The following UPP2 variants were observed in gnomAD, a reference collection of about 807,000 sequenced individuals.
The protein encoded by UPP2 is UPase 2.
UPP2 carries 23 observed loss-of-function variants against 26.7 expected under a neutral mutation model. The observed-to-expected ratio is 0.86, with a 90% CI of 0.62 to 1.22. The LOEUF (loss-of-function observed/expected upper bound fraction) is 1.22. Ranked by LOEUF, UPP2 falls within the 50% of genes most tolerant of loss-of-function variation. UPP2 has a pLI of 0.00. For missense variants in UPP2, 387 were observed against 396.7 expected, an observed-to-expected ratio of 0.98 and a Z score of 0.21; for synonymous variants, 127 against 141.3, an observed-to-expected ratio of 0.90 and a Z score of 0.72.
intron 2 of UPP2, among the ~76,000 whole-genome samples, chr2:158,003,250 G>T (rs1295523139): frequency 6.6e-6 from 1 of 152,164 alleles, no homozygotes; most frequent in Non-Finnish European, 1.5e-5. Context: ...GAGGTTGTAG[G>T]GGGTGAGAGG....
At chr2:158,124,264 G>A (rs1683641385) in intron 6 of UPP2, among the ~76,000 whole-genome samples, 1 of 152,128 alleles carries the variant, frequency 6.6e-6, no homozygotes, top group African/African-American at 2.4e-5. Context: ...TAAAGAGCAT[G>A]GTCAGGGAAG....
At chr2:158,120,682 G>T (rs1017422559) in intron 4 of UPP2, among the ~76,000 whole-genome samples, 1 of 151,934 alleles carries the variant, frequency 6.6e-6, no homozygotes, top group African/African-American at 2.4e-5. Flanking sequence ...AATGGGCCTG[G>T]GGAAATTTAG....
At chr2:158,107,414 T>C (rs796910624) in intron 2 of UPP2, among the ~76,000 whole-genome samples, 20 of 152,304 alleles carry the variant, frequency 1.3e-4, no homozygotes, top group African/African-American at 4.3e-4. Context: ...TGGAGGAAGG[T>C]TACAGTTACA....
At chr2:158,090,641 C>T (rs1216183429) in intron 3 of UPP2, among the ~76,000 whole-genome samples, 1 of 152,074 alleles carries the variant, frequency 6.6e-6, no homozygotes, top group Non-Finnish European at 1.5e-5. Flanking sequence ...ATTATTTTTG[C>T]TTGTTAAACA....
upstream of UPP2, among the ~76,000 whole-genome samples, chr2:158,097,193 T>A (rs2105206774): frequency 6.6e-6 from 1 of 152,278 alleles, no homozygotes; most frequent in Admixed American, 6.5e-5. Context: ...GCATGATAAG[T>A]ATGACACTTC....
intron 3 of UPP2, among the ~76,000 whole-genome samples, chr2:158,060,372 G>A (rs1177036568): frequency 6.6e-6 from 1 of 152,178 alleles, no homozygotes; most frequent in East Asian, 1.9e-4. Flanking sequence ...ACTTCAAGGA[G>A]TGTCTGGTGC....
chr2:158,083,861 T>C (rs1236365708), intron 3 of UPP2, among the ~76,000 whole-genome samples: 1 of 134,516 alleles, frequency 7.4e-6, no homozygotes, highest in Non-Finnish European at 1.5e-5. Flanking sequence ...TATATATATA[T>C]GTTTTTTATA....
intron 3 of UPP2, among the ~76,000 whole-genome samples, chr2:158,086,532 T>C (rs1462597054): frequency 6.6e-6 from 1 of 152,098 alleles, no homozygotes; most frequent in Admixed American, 6.5e-5. Context: ...TTCTGCTGGG[T>C]TTGGGTTTGG....
rs555060998 is a variant in UPP2, at chr2:158,004,259, C to T, written c.61+9000C>T. 5.3e-5 allele frequency among the ~76,000 whole-genome samples: 8 copies of T among 152,136 alleles called. No homozygotes were observed. The South Asian group carries it at 1.2e-3, about 24-fold the overall frequency. ...AATTAGAAAAATAAAAAACAATCAT[C>T]GTCGGGGGATGATCTGCCTTAGTAT... is the stretch of plus-strand genomic sequence containing the variant. On this transcript the variant is annotated intron_variant, in intron 2 of 9. Coordinates refer to the UPP2 transcript ENST00000605860.
intron 3 of UPP2, among the ~76,000 whole-genome samples, chr2:158,020,271 C>T (rs1489591960): frequency 6.6e-6 from 1 of 152,168 alleles, no homozygotes; most frequent in Non-Finnish European, 1.5e-5. Context: ...TCCTGTTCTT[C>T]GACTGTCCAT....
chr2:158,083,030 G>A (rs1004835170), intron 3 of UPP2, among the ~76,000 whole-genome samples: 4 of 152,198 alleles, frequency 2.6e-5, no homozygotes, highest in Non-Finnish European at 5.9e-5. Context: ...CAGTTAGAAT[G>A]GCGATTATTA....
intron 5 of UPP2, among the ~76,000 whole-genome samples, chr2:158,121,882 T>G (rs1683576182): frequency 6.6e-6 from 1 of 152,028 alleles, no homozygotes; most frequent in Non-Finnish European, 1.5e-5. Flanking sequence ...TCACAGAATC[T>G]TATCTCTGTT....
At chr2:158,038,075 T>A (rs753209212) in intron 3 of UPP2, among the ~76,000 whole-genome samples, 1 of 152,190 alleles carries the variant, frequency 6.6e-6, no homozygotes, top group Non-Finnish European at 1.5e-5. Flanking sequence ...ATGTCAACAG[T>A]CGCCTAAAAG....
chr2:158,061,126 C>T (rs1054156173), intron 3 of UPP2, among the ~76,000 whole-genome samples: 2 of 152,222 alleles, frequency 1.3e-5, no homozygotes, highest in African/African-American at 2.4e-5. Flanking sequence ...TTAATTATAG[C>T]AACGGGCCAC....
intron 3 of UPP2, among the ~76,000 whole-genome samples, chr2:158,025,097 G>A (rs779379435): frequency 6.6e-6 from 1 of 151,864 alleles, no homozygotes; most frequent in Non-Finnish European, 1.5e-5. Flanking sequence ...AGCTACTTGG[G>A]AGGCTGAGGC....
intron 3 of UPP2, among the ~76,000 whole-genome samples, chr2:158,075,626 A>C (rs1682619059): frequency 1.3e-5 from 2 of 152,086 alleles, no homozygotes; most frequent in African/African-American, 4.8e-5. Flanking sequence ...AAATTGAAAA[A>C]TTTCTTGAAA....
chr2:158,106,842 T>C (rs1288784432), intron 2 of UPP2, among the ~76,000 whole-genome samples: 1 of 152,158 alleles, frequency 6.6e-6, no homozygotes, highest in African/African-American at 2.4e-5. Flanking sequence ...CACCCAATAG[T>C]CCTGCCACCT....
At chr2:158,053,531 T>C (rs570219794) in intron 3 of UPP2, among the ~76,000 whole-genome samples, 38 of 152,186 alleles carry the variant, frequency 2.5e-4, no homozygotes, top group African/African-American at 8.4e-4. Context: ...CTCAGTACCA[T>C]GTACAGGGCT....
chr2:158,004,288 A>G (rs1228610651), intron 2 of UPP2, among the ~76,000 whole-genome samples: 1 of 152,180 alleles, frequency 6.6e-6, no homozygotes, highest in African/African-American at 2.4e-5. Context: ...TTAGTATGTC[A>G]TCTGCTGATG....
Sources: gnomAD v4.1 joint callset for allele counts (sites outside exome capture counted in the v4.1 genomes callset) on GRCh38, gnomAD v4.1.1 for gene constraint, MANE v1.5 for transcripts, NCBI Gene and HGNC (gene_info 2026-07-23, HGNC 2026-07-21) for gene names.